The following TXN variants were observed in gnomAD, a reference collection of about 807,000 sequenced individuals.
TXN encodes the protein thioredoxin, also known as ADF.
A neutral mutation model predicts 16.5 loss-of-function variants in TXN; 10 were observed. The observed-to-expected ratio is 0.61, with a 90% CI of 0.37 to 1.03. The LOEUF is 1.03. TXN is among the 50% of genes least tolerant of loss of function. The pLI is 0.01. For synonymous variants in TXN, 35 were observed against 39.4 expected (o/e 0.89, Z 0.42); for missense variants, 71 against 122.5 (o/e 0.58, Z 1.98).
At chr9:110,255,529 T>C (rs1409341600) in intron 1 of TXN, among the ~76,000 whole-genome samples, 1 of 152,212 alleles carries the variant, frequency 6.6e-6, no homozygotes, top group African/African-American at 2.4e-5. Flanking sequence ...GGAGGAACCC[T>C]GGCTCCAGCA....
At chr9:110,251,668 A>G (rs1451722615) in intron 1 of TXN, among the ~76,000 whole-genome samples, 1 of 148,246 alleles carries the variant, frequency 6.7e-6, no homozygotes, top group African/African-American at 2.5e-5. Flanking sequence ...CATTGTTGGT[A>G]GTGTTACTTG....
Position 110,249,038 on chromosome 9 carries a change from G to A in TXN, c.189+1782C>T, listed in dbSNP as rs983632007. Among the ~76,000 whole-genome samples the A allele has an allele frequency of 1.3e-4, 18 of 140,328 alleles. No individual in the cohort carries two copies. The Admixed American group carries it at 1.3e-3, about 10-fold the overall frequency. The allele number at this position is 140,328 out of a possible 152,430, so 92.1% of individuals were successfully genotyped here. On this transcript the variant is annotated intron_variant, in intron 3 of 4. Coordinates refer to ENST00000374517, the MANE Select transcript of TXN (RefSeq NM_003329.4). ...AGCTACCCAGGAGGCTGAGACAGAG[G>A]ATTGCTTAAACCCGGGAGGCAGAGG...
At chr9:110,248,349 A>G (rs1338260956) in intron 3 of TXN, among the ~76,000 whole-genome samples, 3 of 152,162 alleles carry the variant, frequency 2.0e-5, no homozygotes, top group Non-Finnish European at 4.4e-5. Flanking sequence ...AAGGCATACC[A>G]TTTTTTAATC....
At chr9:110,254,247 G>A (rs1002198424) in intron 1 of TXN, among the ~76,000 whole-genome samples, 18 of 152,220 alleles carry the variant, frequency 1.2e-4, no homozygotes, top group Non-Finnish European at 2.9e-5. Flanking sequence ...CAGGCTGGGC[G>A]TGGTGGTTCA....
At chr9:110,247,377 A>G (rs1837673352) in intron 3 of TXN, among the ~76,000 whole-genome samples, 1 of 152,038 alleles carries the variant, frequency 6.6e-6, no homozygotes, top group Non-Finnish European at 1.5e-5. Flanking sequence ...CCAAGCAGAC[A>G]TGAAGGAGGA....
At chr9:110,244,411 G>A (rs4135225) in intron 4 of TXN, among the ~76,000 whole-genome samples, 192 bp from the exon 5 acceptor site, 107,780 of 150,900 alleles carry the variant, frequency 0.71, 39,054 homozygotes, top group East Asian at 0.98. Flanking sequence ...CTTATTTAAA[G>A]TAAACTTCCC....
chr9:110,250,463 G>A (rs1452547067), intron 3 of TXN, among the ~76,000 whole-genome samples: 4 of 152,152 alleles, frequency 2.6e-5, no homozygotes, highest in East Asian at 1.9e-4. Flanking sequence ...CCCTACAAGC[G>A]GTCTCATAAT....
chr9:110,252,239 A>AATAAAAAT (rs1837750320), intron 1 of TXN, among the ~76,000 whole-genome samples: 1 of 150,508 alleles, frequency 6.6e-6, no homozygotes, highest in African/African-American at 2.5e-5. Context: ...AAAAAAAAAA[A>AATAAAAAT]AAAAAAGCTA....
chr9:110,244,325 AT>A, intron 4 of TXN, 106 bp from the exon 5 acceptor site: 1 of 300,974 alleles, frequency 3.3e-6, no homozygotes, highest in Non-Finnish European at 6.0e-6. Context: ...ACATATGTAT[AT>A]ATATACATAT....
At chr9:110,250,756 T>C in intron 3 of TXN, 64 bp downstream of exon 3, 1 of 1,203,452 alleles carries the variant, frequency 8.3e-7, no homozygotes, top group Non-Finnish European at 1.2e-6. Context: ...AAAAGCACTG[T>C]GCAATTCAGA....
intron 3 of TXN, among the ~76,000 whole-genome samples, chr9:110,248,316 C>T (rs575055282): frequency 1.8e-4 from 27 of 152,310 alleles, no homozygotes; most frequent in African/African-American, 6.3e-4. Flanking sequence ...CCTGCAAGTC[C>T]CGTTTATGGC....
intron 3 of TXN, 44 bp downstream of exon 3, chr9:110,250,776 C>T: frequency 7.0e-7 from 1 of 1,426,888 alleles, no homozygotes; most frequent in Non-Finnish European, 9.8e-7. Flanking sequence ...AGAAAAAGGC[C>T]AATGTGAAAA....
intron 3 of TXN, among the ~76,000 whole-genome samples, chr9:110,245,646 ATATATATATTTTTT>A (rs1275738424): frequency 1.1e-4 from 3 of 27,944 alleles, no homozygotes; most frequent in Non-Finnish European, 1.8e-4. Flanking sequence ...ATATATATAT[ATATATATATTTTTT>A]TTTTTTTTTT....
intron 3 of TXN, among the ~76,000 whole-genome samples, chr9:110,245,523 C>T (rs1213946770): frequency 2.1e-5 from 3 of 146,058 alleles, no homozygotes; most frequent in African/African-American, 5.1e-5. Flanking sequence ...CATCCTCCCT[C>T]CTCAGCCTCC....
At position 110,250,690 on chromosome 9, in the gene TXN, G is replaced by A. The variant is rs1280301473; in HGVS notation, c.189+130C>T. On this transcript the variant is annotated intron_variant, in intron 3 of 4. Coordinates refer to ENST00000374517, the MANE Select transcript of TXN (RefSeq NM_003329.4). ...GCTCCTAACTTGCCTGCTCTTCTGA[G>A]ATAGAACTTTTTAGATAGGATTACA... The A allele has an allele frequency of 3.8e-6, 3 of 779,774 alleles. No individual in the cohort carries two copies. The African/African-American group carries it at 5.4e-5, about 14-fold the overall frequency. The allele number at this position is 779,774 out of a possible 1,614,324, so 48.3% of individuals were successfully genotyped here.
intron 1 of TXN, among the ~76,000 whole-genome samples, chr9:110,253,740 G>C (rs543092887): frequency 3.9e-5 from 6 of 152,236 alleles, no homozygotes; most frequent in African/African-American, 1.2e-4. Context: ...GTATGTGCAG[G>C]CTTCATGTAC....
Position 110,251,414 on chromosome 9 carries a change from C to T in TXN, c.73G>A (p.Val25Ile), listed in dbSNP as rs952113585. 5 of 1,612,054 alleles carry T rather than the reference C, an allele frequency of 3.1e-6. No homozygotes were observed. The African/African-American group carries it at 6.7e-5, about 22-fold the overall frequency. The change falls in exon 2 of 5, where the codon GTT becomes ATT. Residue 25 changes from valine to isoleucine, a missense_variant. Val to Ile is a conservative substitution (Grantham distance 29). Transcript: ENST00000374517. ...LDAAGDKLVV[V>I]DFSATWCGPC... Reference sequence around the variant, plus strand: ...CCACACCACGTGGCTGAGAAGTCAACTACTACAAGTTTATCACCTGCAGCG... The same window carrying T: ...CCACACCACGTGGCTGAGAAGTCAATTACTACAAGTTTATCACCTGCAGCG...
At chr9:110,251,611 A>AAAAAATC (rs1554695755) in intron 1 of TXN, 149 bp from the exon 2 acceptor site, 1 of 457,204 alleles carries the variant, frequency 2.2e-6, no homozygotes, top group Non-Finnish European at 3.9e-6. Context: ...AAAAAAAAAA[A>AAAAAATC]AATCCCCAAA....
chr9:110,245,325 T>C (rs1221998861), intron 3 of TXN, among the ~76,000 whole-genome samples: 1 of 151,780 alleles, frequency 6.6e-6, no homozygotes, highest in Non-Finnish European at 1.5e-5. Flanking sequence ...ATATAAAGGC[T>C]AAAAAGTCTA....
Sources: allele counts gnomAD v4.1 joint callset (sites outside exome capture counted in the v4.1 genomes callset), GRCh38; gene constraint gnomAD v4.1.1; transcripts MANE v1.5; gene names NCBI Gene and HGNC (gene_info 2026-07-23, HGNC 2026-07-21).